CTNNA2: variants seen among roughly 807,000 people sequenced by gnomAD.
CTNNA2 encodes catenin alpha 2.
In CTNNA2, 42 loss-of-function variants were observed where a neutral mutation model predicts 101.0. The observed-to-expected ratio is 0.42, with a 90% CI of 0.32 to 0.54. The LOEUF (loss-of-function observed/expected upper bound fraction) is 0.54, where lower values mean the gene tolerates loss of function less well. Among genes scored for constraint, CTNNA2 ranks in the 20% least tolerant of loss-of-function variants. CTNNA2 has a pLI of 0.14. For missense variants in CTNNA2, 871 were observed against 1,223.1 expected (o/e 0.71, Z 4.29); for synonymous variants, 450 against 456.4 (o/e 0.99, Z 0.18).
intron 13 of CTNNA2, among the ~76,000 whole-genome samples, chr2:80,578,347 C>G (rs1695242895): frequency 6.6e-6 from 1 of 152,176 alleles, no homozygotes; most frequent in South Asian, 2.1e-4. Flanking sequence ...TCCTCCAGTA[C>G]AGCGAACTGT....
intron 7 of CTNNA2, among the ~76,000 whole-genome samples, chr2:80,024,901 A>G (rs993848273): frequency 6.6e-6 from 1 of 152,124 alleles, no homozygotes; most frequent in Non-Finnish European, 1.5e-5. Flanking sequence ...AGGTCATGCA[A>G]ATGAATTGAA....
chr2:79,826,516 G>A (rs796570147), intron 3 of CTNNA2, among the ~76,000 whole-genome samples: 1 of 152,184 alleles, frequency 6.6e-6, no homozygotes, highest in Non-Finnish European at 1.5e-5. Flanking sequence ...AACCAAGTAC[G>A]CATGGCCTCC....
intron 7 of CTNNA2, among the ~76,000 whole-genome samples, chr2:80,119,821 A>G (rs1048749590): frequency 6.6e-6 from 1 of 152,214 alleles, no homozygotes; most frequent in African/African-American, 2.4e-5. Context: ...GACACTTCTT[A>G]ATGTGATCTC....
intron 18 of CTNNA2, among the ~76,000 whole-genome samples, chr2:80,644,694 T>G (rs368563198): frequency 3.3e-5 from 5 of 152,290 alleles, no homozygotes; most frequent in South Asian, 4.1e-4. Flanking sequence ...TGTATTAACT[T>G]TAAATTGGGC....
At chr2:79,224,406 A>G (rs1042977438) in intron 2 of CTNNA2, among the ~76,000 whole-genome samples, 12 of 152,282 alleles carry the variant, frequency 7.9e-5, no homozygotes, top group African/African-American at 1.9e-4. Flanking sequence ...TCAAATATCT[A>G]TCACCCAGGT....
intron 6 of CTNNA2, among the ~76,000 whole-genome samples, chr2:79,882,476 G>A (rs1311947088): frequency 6.6e-6 from 1 of 152,216 alleles, no homozygotes; most frequent in Non-Finnish European, 1.5e-5. Context: ...CAGGCCTGAA[G>A]AGGCACTCTG....
At chr2:80,147,733 T>C (rs919330063) in intron 7 of CTNNA2, among the ~76,000 whole-genome samples, 2 of 152,200 alleles carry the variant, frequency 1.3e-5, no homozygotes, top group Admixed American at 6.5e-5. Context: ...TTTGTGTTAG[T>C]CATTTATACC....
At chr2:79,815,501 C>T (rs983889821) in intron 3 of CTNNA2, among the ~76,000 whole-genome samples, 3 of 152,112 alleles carry the variant, frequency 2.0e-5, no homozygotes, top group Non-Finnish European at 4.4e-5. Context: ...ATCCCAGCAC[C>T]ATTTGTTGAA....
At chr2:79,262,705 T>A (rs1009253059) in intron 2 of CTNNA2, among the ~76,000 whole-genome samples, 1 of 152,126 alleles carries the variant, frequency 6.6e-6, no homozygotes, top group African/African-American at 2.4e-5. Flanking sequence ...GACCAGGCAA[T>A]CTGGGTTTAA....
chr2:80,419,568 A>G lies in CTNNA2; in HGVS notation c.1257A>G (p.Gln419=), dbSNP rs1680328319. Residue 419 remains glutamine, a synonymous_variant, in exon 9 of 19, where the codon CAA becomes CAG. Transcript: ENST00000402739. ...AAAAGGAAGTGAAAGAATATGCCCAAGTTTTCCGTGAGCATGCCAACAAAC... is the reference window on the plus strand; with the variant it reads ...AAAAGGAAGTGAAAGAATATGCCCAGGTTTTCCGTGAGCATGCCAACAAAC... ...GNEKEVKEYA[Q]VFREHANKLV... The G allele has an allele frequency of 6.2e-7, 1 of 1,613,828 alleles. No homozygotes were observed. The highest frequency in any genetic ancestry group is 8.5e-7 in the Non-Finnish European group (1 of 1,179,806).
intron 7 of CTNNA2, among the ~76,000 whole-genome samples, chr2:80,271,914 T>G (rs776442371): frequency 3.1e-4 from 47 of 152,220 alleles, no homozygotes; most frequent in Non-Finnish European, 8.8e-5. Context: ...CATTGTTTCA[T>G]ATCAGACTGA....
chr2:79,817,933 A>G (rs535028586), intron 3 of CTNNA2, among the ~76,000 whole-genome samples: 57 of 152,308 alleles, frequency 3.7e-4, no homozygotes, highest in African/African-American at 1.3e-3. Flanking sequence ...GAGCTTTATG[A>G]TGACATGTGA....
intron 2 of CTNNA2, among the ~76,000 whole-genome samples, chr2:79,273,349 A>G (rs1573011714): frequency 6.6e-6 from 1 of 152,046 alleles, no homozygotes. Flanking sequence ...GAGAATACTC[A>G]CTGGTGGCAC....
At position 79,409,403 on chromosome 2, in the gene CTNNA2, G is replaced by A. The variant is rs575318650; in HGVS notation, c.-135+35390G>A. ...CCTATGTCCTGAATGGTAATGCCTAGGCTTTTTTCTAGGGTTTTTATGGTT... is the reference window on the plus strand; with the variant it reads ...CCTATGTCCTGAATGGTAATGCCTAAGCTTTTTTCTAGGGTTTTTATGGTT... On this transcript the variant is annotated intron_variant, in intron 4 of 21. Transcript: ENST00000466387. Among the ~76,000 whole-genome samples, 58 of 152,198 alleles carry A rather than the reference G, an allele frequency of 3.8e-4. 1 individual carries two copies. In the South Asian group the frequency reaches 5.0e-3, roughly 13 times the overall value.
chr2:80,328,203 C>T (rs1670994272), intron 7 of CTNNA2: 3 of 458,210 alleles, frequency 6.5e-6, no homozygotes, highest in South Asian at 3.2e-5. Context: ...AGATGGACTG[C>T]TTTTTTGGGT....
At chr2:79,468,363 A>G (rs958740379) in intron 4 of CTNNA2, among the ~76,000 whole-genome samples, 48 of 152,228 alleles carry the variant, frequency 3.2e-4, no homozygotes, top group African/African-American at 1.1e-3. Context: ...ATACAGGAGC[A>G]CCCAGATTCA....
chr2:79,959,470 T>C (rs1046502793), intron 7 of CTNNA2, among the ~76,000 whole-genome samples: 1 of 152,216 alleles, frequency 6.6e-6, no homozygotes, highest in Non-Finnish European at 1.5e-5. Flanking sequence ...TAATTACTTT[T>C]ACATCTCCTT....
At chr2:79,712,576 C>T (rs898610776) in intron 2 of CTNNA2, among the ~76,000 whole-genome samples, 1 of 151,910 alleles carries the variant, frequency 6.6e-6, no homozygotes, top group Non-Finnish European at 1.5e-5. Context: ...GGCAATATGT[C>T]AACAAATGAA....
intron 9 of CTNNA2, among the ~76,000 whole-genome samples, chr2:80,495,626 C>T (rs1205133798): frequency 6.6e-6 from 1 of 152,092 alleles, no homozygotes; most frequent in Admixed American, 6.6e-5. Context: ...AGCAGTATGG[C>T]TGGTGTCCTT....
Sources: allele counts gnomAD v4.1 joint callset (sites outside exome capture counted in the v4.1 genomes callset), GRCh38; gene constraint gnomAD v4.1.1; transcripts MANE v1.5; gene names NCBI Gene and HGNC (gene_info 2026-07-23, HGNC 2026-07-21).